Variants in TMEM117 observed in about 807,000 individuals in gnomAD.
TMEM117 encodes the protein transmembrane protein 117.
TMEM117 carries 27 observed loss-of-function variants against 52.4 expected under a neutral mutation model. The observed-to-expected ratio is 0.51, with a 90% CI of 0.38 to 0.71. The LOEUF is 0.71. Among genes scored for constraint, TMEM117 ranks in the 30% least tolerant of loss-of-function variants. TMEM117 has a pLI of 0.00. For missense variants in TMEM117, 556 were observed against 630.5 expected (o/e 0.88, Z 1.26); for synonymous variants, 215 against 206.3 (o/e 1.04, Z -0.36).
intron 3 of TMEM117, among the ~76,000 whole-genome samples, chr12:44,037,280 G>T (rs1946724274): frequency 6.6e-6 from 1 of 152,198 alleles, no homozygotes; most frequent in South Asian, 2.1e-4. Context: ...GCATCTTTGT[G>T]TTCTTGACGG....
intron 3 of TMEM117, among the ~76,000 whole-genome samples, chr12:44,084,839 AC>A (rs1428585791): frequency 3.3e-5 from 5 of 152,310 alleles, no homozygotes; most frequent in African/African-American, 1.2e-4. Context: ...GTACCATCAG[AC>A]CAGTGCTCCC....
At chr12:44,300,847 C>A (rs1485156209) in intron 6 of TMEM117, among the ~76,000 whole-genome samples, 1 of 152,134 alleles carries the variant, frequency 6.6e-6, no homozygotes, top group Non-Finnish European at 1.5e-5. Context: ...ACTTTCCAAT[C>A]TGACTTTGAG....
chr12:44,365,684 C>A (rs913193160), intron 6 of TMEM117, among the ~76,000 whole-genome samples: 1 of 151,922 alleles, frequency 6.6e-6, no homozygotes, highest in African/African-American at 2.4e-5. Context: ...AAATTCATGA[C>A]AAATGTTTGT....
intron 2 of TMEM117, among the ~76,000 whole-genome samples, chr12:43,846,514 A>T (rs1943210905): frequency 6.6e-6 from 1 of 152,176 alleles, no homozygotes; most frequent in African/African-American, 2.4e-5. Context: ...TTTTGCCTAG[A>T]GGTAGGTGGT....
intron 2 of TMEM117, among the ~76,000 whole-genome samples, chr12:43,863,283 C>CAAAA (rs3038265): frequency 0.72 from 107,110 of 148,090 alleles, 41,562 homozygotes; most frequent in East Asian, 0.84. Flanking sequence ...AACAAACAAA[C>CAAAA]AAAACTTCAA....
At chr12:44,323,112 T>C (rs1951153646) in intron 6 of TMEM117, among the ~76,000 whole-genome samples, 1 of 152,176 alleles carries the variant, frequency 6.6e-6, no homozygotes, top group African/African-American at 2.4e-5. Context: ...AGCCAGAGAC[T>C]GTAGGTGACC....
intron 6 of TMEM117, among the ~76,000 whole-genome samples, chr12:44,304,692 CT>C (rs1446032398): frequency 6.6e-6 from 1 of 152,186 alleles, no homozygotes; most frequent in Admixed American, 6.5e-5. Context: ...GGTTCTACCT[CT>C]GGACAACATT....
chr12:43,868,832 TAATA>T (rs1363619736), intron 2 of TMEM117, among the ~76,000 whole-genome samples: 1 of 150,902 alleles, frequency 6.6e-6, no homozygotes, highest in African/African-American at 2.4e-5. Context: ...AAGGAGGAAA[TAATA>T]AAGCAAATAA....
intron 5 of TMEM117, among the ~76,000 whole-genome samples, chr12:44,290,333 A>G (rs149667133): frequency 6.6e-6 from 1 of 152,232 alleles, no homozygotes; most frequent in African/African-American, 2.4e-5. Context: ...CTGTTTTCTT[A>G]TAAGAGTTTT....
chr12:44,188,797 T>G lies in TMEM117; in HGVS notation c.511-22493T>G, dbSNP rs576890813. Among the ~76,000 whole-genome samples, 226 of 152,288 alleles carry G rather than the reference T, an allele frequency of 1.5e-3. 2 individuals carry two copies. Among genetic ancestry groups the G allele is most frequent in the African/African-American group, 5.1e-3 (212 of 41,564 alleles). ...TGTCATTTGTTGCCTTGTAACATATTATGGAACTTATTTATTGTGTTTACT... is the reference window on the plus strand; with the variant it reads ...TGTCATTTGTTGCCTTGTAACATATGATGGAACTTATTTATTGTGTTTACT... On this transcript the variant is annotated intron_variant, in intron 4 of 7. Transcript: ENST00000266534.
intron 6 of TMEM117, among the ~76,000 whole-genome samples, chr12:44,302,171 A>G (rs1950848813): frequency 6.6e-6 from 1 of 152,066 alleles, no homozygotes; most frequent in East Asian, 1.9e-4. Context: ...TCCACGTACC[A>G]TATGCCCTAT....
intron 5 of TMEM117, among the ~76,000 whole-genome samples, chr12:44,256,557 G>A (rs895406722): frequency 6.6e-6 from 1 of 151,942 alleles, no homozygotes; most frequent in Non-Finnish European, 1.5e-5. Flanking sequence ...ATACAATGTG[G>A]AATTTTGCTG....
At chr12:44,390,033 C>T (rs1308288112), downstream of TMEM117, among the ~76,000 whole-genome samples, 1 of 152,024 alleles carries the variant, frequency 6.6e-6, no homozygotes, top group Non-Finnish European at 1.5e-5. Context: ...TACTTTTAAG[C>T]TTGCAGCATA....
intron 5 of TMEM117, among the ~76,000 whole-genome samples, chr12:44,241,940 G>A (rs1284048443): frequency 1.3e-5 from 2 of 151,298 alleles, no homozygotes; most frequent in Non-Finnish European, 3.0e-5. Flanking sequence ...TTTCTTTTTC[G>A]GAATTTGCTT....
At chr12:44,259,732 G>A (rs763568627) in intron 5 of TMEM117, among the ~76,000 whole-genome samples, 52 of 152,010 alleles carry the variant, frequency 3.4e-4, no homozygotes, top group Non-Finnish European at 5.0e-4. Context: ...ATTAAAAATA[G>A]AATTACCCTT....
chr12:44,192,489 G>T (rs1201357602), intron 4 of TMEM117, among the ~76,000 whole-genome samples: 2 of 152,172 alleles, frequency 1.3e-5, no homozygotes, highest in African/African-American at 4.8e-5. Context: ...GTGAAATAAA[G>T]ATTGTCAAAC....
In TMEM117 at chr12:44,357,964, A is replaced by G. The variant is rs1489577651; in HGVS notation, c.769-18631A>G. 1.3e-5 allele frequency among the ~76,000 whole-genome samples: 2 copies of G among 152,184 alleles called. 1 individual carries two copies. The highest frequency in any genetic ancestry group is 4.8e-5 in the African/African-American group (2 of 41,462). ...GGATAGGATAAAGAAAATGTGGTAC[A>G]TTTACACCATGGAATACTATGCAGC... On this transcript the variant is annotated intron_variant, in intron 6 of 7. Coordinates refer to ENST00000266534, the MANE Select transcript of TMEM117 (RefSeq NM_032256.3).
chr12:44,062,856 A>G (rs1041523089), intron 3 of TMEM117, among the ~76,000 whole-genome samples: 3 of 152,248 alleles, frequency 2.0e-5, no homozygotes, highest in Non-Finnish European at 4.4e-5. Context: ...GATCACTGAA[A>G]TGGAAAGGAT....
chr12:43,872,994 TATG>T (rs1331943150), intron 2 of TMEM117, among the ~76,000 whole-genome samples: 1 of 152,040 alleles, frequency 6.6e-6, no homozygotes, highest in Non-Finnish European at 1.5e-5. Flanking sequence ...GTAGGGGCAA[TATG>T]AGGATGTAGG....
Sources: allele counts gnomAD v4.1 joint callset (sites outside exome capture counted in the v4.1 genomes callset), GRCh38; gene constraint gnomAD v4.1.1; transcripts MANE v1.5; gene names NCBI Gene and HGNC (gene_info 2026-07-23, HGNC 2026-07-21).